Variants in PCDH15 observed in about 807,000 individuals in gnomAD.
PCDH15 encodes protocadherin-15.
In PCDH15, 129 loss-of-function variants were observed where a neutral mutation model predicts 178.5. That is an observed-to-expected ratio of 0.72 (90% CI 0.63 to 0.84). The LOEUF is 0.84. Ranked by LOEUF, PCDH15 falls within the 40% of genes least tolerant of loss-of-function variation. The pLI, the probability that PCDH15 is intolerant of heterozygous loss-of-function variation, is 0.00. For synonymous variants in PCDH15, 800 were observed against 732.0 expected (o/e 1.09, Z -1.50); for missense variants, 2,230 against 2,099.9 (o/e 1.06, Z -1.21).
intron 3 of PCDH15, among the ~76,000 whole-genome samples, chr10:54,487,918 A>T (rs909518838): frequency 1.3e-5 from 2 of 152,128 alleles, no homozygotes; most frequent in East Asian, 1.9e-4. Flanking sequence ...CTTATGCAAA[A>T]TGCTGATAAG....
intron 2 of PCDH15, among the ~76,000 whole-genome samples, chr10:54,607,535 T>A (rs1300221447): frequency 2.0e-5 from 3 of 152,102 alleles, no homozygotes; most frequent in African/African-American, 7.2e-5. Context: ...GGCATATGTT[T>A]ATGTTTTGAA....
chr10:55,316,828 C>A (rs1203430444), intron 1 of PCDH15, among the ~76,000 whole-genome samples: 1 of 152,000 alleles, frequency 6.6e-6, no homozygotes, highest in East Asian at 1.9e-4. Flanking sequence ...TAACACAGTG[C>A]CTACAACATA....
intron 2 of PCDH15, among the ~76,000 whole-genome samples, chr10:55,542,111 A>C (rs1356416202): frequency 3.3e-5 from 5 of 151,610 alleles, no homozygotes; most frequent in Non-Finnish European, 7.4e-5. Flanking sequence ...TCTGGAACCT[A>C]TAACCACAAA....
At chr10:55,338,387 G>C (rs919854114) in intron 2 of PCDH15, among the ~76,000 whole-genome samples, 1 of 152,142 alleles carries the variant, frequency 6.6e-6, no homozygotes, top group Admixed American at 6.6e-5. Context: ...CCAAGATATG[G>C]AATCAACTGA....
chr10:55,303,815 T>C (rs1297899783), intron 1 of PCDH15, among the ~76,000 whole-genome samples: 1 of 152,162 alleles, frequency 6.6e-6, no homozygotes, highest in East Asian at 1.9e-4. Flanking sequence ...TCAGACTGTC[T>C]AAAGGCTTAT....
chr10:55,353,107 C>T (rs1844983997), intron 2 of PCDH15, among the ~76,000 whole-genome samples: 1 of 152,140 alleles, frequency 6.6e-6, no homozygotes, highest in African/African-American at 2.4e-5. Context: ...TGATGTCTGA[C>T]CATCCGACTA....
intron 3 of PCDH15, among the ~76,000 whole-genome samples, chr10:54,389,784 CAAAA>C (rs35298368): frequency 7.1e-5 from 5 of 70,004 alleles, no homozygotes; most frequent in African/African-American, 1.9e-4. Context: ...AATAAAAATA[CAAAA>C]AAAAAAAAAA....
intron 3 of PCDH15, among the ~76,000 whole-genome samples, chr10:54,859,147 T>C (rs551279275): frequency 6.6e-6 from 1 of 152,244 alleles, no homozygotes; most frequent in East Asian, 1.9e-4. Context: ...TGGCTCTCCC[T>C]TGCCTTCACA....
chr10:53,857,071 C>CA lies in PCDH15; in HGVS notation c.3806+103dup, dbSNP rs2078797444. On this transcript the variant is annotated intron_variant, in intron 28 of 37. Transcript: ENST00000644397. ...ACCAATATGCAATATATCCATGTAA[C>CA]ACACCTGCACATGTATCCCCTGAAT... is the stretch of plus-strand genomic sequence containing the variant. The CA allele has an allele frequency of 4.8e-6, 4 of 838,014 alleles. No homozygotes were observed. The South Asian group carries it at 6.2e-5, about 13-fold the overall frequency. 51.9% of individuals were successfully genotyped at this position (838,014 alleles called of 1,614,324 possible).
intron 2 of PCDH15, among the ~76,000 whole-genome samples, chr10:55,066,989 C>G (rs1841583113): frequency 6.6e-6 from 1 of 151,866 alleles, no homozygotes; most frequent in African/African-American, 2.4e-5. Context: ...GATCATTACA[C>G]ATTCTATGCA....
At chr10:54,594,656 T>A (rs1001726233) in intron 2 of PCDH15, among the ~76,000 whole-genome samples, 6 of 152,166 alleles carry the variant, frequency 3.9e-5, no homozygotes, top group African/African-American at 1.4e-4. Flanking sequence ...TCCCCATACA[T>A]CTCTTTGCCT....
chr10:53,811,500 A>T, intron 36 of PCDH15, 49 bp downstream of exon 36: 1 of 1,105,198 alleles, frequency 9.0e-7, no homozygotes, highest in Non-Finnish European at 1.3e-6. Flanking sequence ...ATTTCCTATT[A>T]ATAAAATATT....
At chr10:54,855,501 T>A (rs548016850) in intron 3 of PCDH15, among the ~76,000 whole-genome samples, 65 of 152,286 alleles carry the variant, frequency 4.3e-4, no homozygotes, top group African/African-American at 1.4e-3. Flanking sequence ...GCATCCTGCA[T>A]CAAAAATATT....
intron 1 of PCDH15, among the ~76,000 whole-genome samples, chr10:55,233,863 G>A (rs1336532540): frequency 6.6e-6 from 1 of 152,018 alleles, no homozygotes; most frequent in Non-Finnish European, 1.5e-5. Flanking sequence ...ATAAGATAAT[G>A]TATACTGTTA....
At chr10:53,853,613 T>A (rs11003883) in intron 28 of PCDH15, among the ~76,000 whole-genome samples, 11,369 of 152,002 alleles carry the variant, frequency 0.075, 765 homozygotes, top group African/African-American at 0.17. Context: ...TGCAAAGGAC[T>A]TGAATAGACA....
chr10:55,479,637 T>A (rs74475578), intron 2 of PCDH15, among the ~76,000 whole-genome samples: 3 of 151,690 alleles, frequency 2.0e-5, no homozygotes, highest in Admixed American at 2.0e-4. Flanking sequence ...ACCACTTTTC[T>A]TCAACATAGT....
intron 1 of PCDH15, among the ~76,000 whole-genome samples, chr10:54,784,097 C>G (rs1014815373): frequency 2.0e-5 from 3 of 152,024 alleles, no homozygotes; most frequent in African/African-American, 7.2e-5. Context: ...ATCATGAGAA[C>G]AGCATGCAAG....
chr10:54,743,615 CTA>C (rs1475762566), intron 1 of PCDH15, among the ~76,000 whole-genome samples: 1 of 151,856 alleles, frequency 6.6e-6, no homozygotes, highest in African/African-American at 2.4e-5. Context: ...ATACTTTACT[CTA>C]TACAAATTAC....
At chr10:54,619,824 G>A (rs79745420) in intron 2 of PCDH15, among the ~76,000 whole-genome samples, 5,608 of 152,004 alleles carry the variant, frequency 0.037, 322 homozygotes, top group African/African-American at 0.12. Flanking sequence ...CTTAATCTGT[G>A]TTCTAAATCT....
Sources: allele counts gnomAD v4.1 joint callset (sites outside exome capture counted in the v4.1 genomes callset), GRCh38; gene constraint gnomAD v4.1.1; transcripts MANE v1.5; gene names NCBI Gene and HGNC (gene_info 2026-07-23, HGNC 2026-07-21).